MLPH: variants seen among roughly 807,000 people sequenced by gnomAD.
MLPH encodes the protein exophilin-3.
In MLPH, 51 loss-of-function variants were observed where a neutral mutation model predicts 72.1. The observed-to-expected ratio is 0.71, with a 90% CI of 0.56 to 0.89. MLPH has a LOEUF of 0.89. MLPH is among the 40% of genes least tolerant of loss of function. MLPH has a pLI of 0.00. For synonymous variants in MLPH, 301 were observed against 310.1 expected (o/e 0.97, Z 0.31); for missense variants, 743 against 759.9 (o/e 0.98, Z 0.26).
At chr2:237,511,408 T>C (rs1177636473) in intron 4 of MLPH, 1 of 375,756 alleles carries the variant, frequency 2.7e-6, no homozygotes, top group Non-Finnish European at 5.1e-6. Flanking sequence ...CACTGTGCCC[T>C]GTGAAATTGG....
Position 237,553,641 on chromosome 2 carries a change from C to T in MLPH, c.*49C>T. The T allele has an allele frequency of 6.2e-7, 1 of 1,613,576 alleles. No homozygotes were observed. The highest frequency in any genetic ancestry group is 8.5e-7 in the Non-Finnish European group (1 of 1,179,438). ...CAGCCCTGCACTGTTTTCCCTCCAC[C>T]ACAGCCATCCTGTCCCTCATTGGCT... is the stretch of plus-strand genomic sequence containing the variant. On this transcript the variant is annotated 3_prime_UTR_variant, in exon 16 of 16. Transcript: ENST00000264605.
chr2:237,526,540 G>T (rs1418211739), intron 7 of MLPH, among the ~76,000 whole-genome samples: 3 of 152,142 alleles, frequency 2.0e-5, no homozygotes, highest in Admixed American at 2.0e-4. Flanking sequence ...ATGATTAAAT[G>T]AATCTACTTT....
chr2:237,496,798 G>C (rs570595696), intron 2 of MLPH, among the ~76,000 whole-genome samples: 1 of 152,350 alleles, frequency 6.6e-6, no homozygotes, highest in Non-Finnish European at 1.5e-5. Flanking sequence ...AAATGTCAGT[G>C]AGCAGAGAGG....
chr2:237,494,951 A>G (rs748346838), intron 2 of MLPH, among the ~76,000 whole-genome samples: 1 of 152,198 alleles, frequency 6.6e-6, no homozygotes, highest in Non-Finnish European at 1.5e-5. Flanking sequence ...TCTGCAGGTC[A>G]GAGGTCCTAA....
At chr2:237,509,801 T>C (rs979311943) in intron 2 of MLPH, among the ~76,000 whole-genome samples, 1 of 152,168 alleles carries the variant, frequency 6.6e-6, no homozygotes, top group African/African-American at 2.4e-5. Flanking sequence ...TCACCTTTGC[T>C]GCACTCTGGG....
At chr2:237,519,608 C>T (rs1483025998) in intron 5 of MLPH, among the ~76,000 whole-genome samples, 3 of 152,152 alleles carry the variant, frequency 2.0e-5, no homozygotes, top group Admixed American at 6.5e-5. Context: ...GCCCCCTAGG[C>T]GGGGTCCCTG....
At position 237,518,641 on chromosome 2, in the gene MLPH, G is replaced by A. The variant is rs2080106557; in HGVS notation, c.548G>A (p.Gly183Asp). Residue 183 changes from glycine to aspartate, a missense_variant, in exon 5 of 16, where the codon GGC (glycine) becomes GAC (aspartate). Physicochemically the swap from Gly to Asp is moderately conservative, Grantham distance 94 (BLOSUM62 -1). Transcript: ENST00000264605. ...SEAQAQAQPF[G>D]SKKKRLLSVH... is the part of the protein sequence containing the mutation. ...GCCCAGGCCCAGGCCCAGCCCTTTG[G>A]CAGCAAAGTAAGTCATCTCCAGCCA... 1.2e-6 allele frequency: 2 copies of A among 1,612,304 alleles called. No individual in the cohort carries two copies. Among genetic ancestry groups the A allele is most frequent in the Admixed American group, 3.3e-5 (2 of 59,868 alleles).
intron 2 of MLPH, among the ~76,000 whole-genome samples, chr2:237,502,594 T>C (rs2079674591): frequency 6.6e-6 from 1 of 152,206 alleles, no homozygotes; most frequent in Admixed American, 6.5e-5. Context: ...AGACCATGCA[T>C]AGCCGGACTT....
At chr2:237,490,428 T>G (rs1332592448) in intron 1 of MLPH, among the ~76,000 whole-genome samples, 1 of 152,246 alleles carries the variant, frequency 6.6e-6, no homozygotes, top group Non-Finnish European at 1.5e-5. Context: ...CTCTGTGATC[T>G]TTTTATCCAT....
Position 237,534,577 on chromosome 2 carries a change from A to G in MLPH, c.1034A>G (p.Asn345Ser), listed in dbSNP as rs377760034. The G allele has an allele frequency of 9.9e-6, 16 of 1,613,568 alleles. No individual in the cohort carries two copies. The highest frequency in any genetic ancestry group is 1.3e-5 in the Non-Finnish European group (15 of 1,179,746). Residue 345 changes from asparagine (N) to serine (S), a missense_variant, in exon 9 of 16, where the codon AAT becomes AGT. Asn to Ser is a conservative substitution (Grantham distance 46). Coordinates refer to ENST00000264605, the MANE Select transcript of MLPH (RefSeq NM_024101.7). ...CTTCTGCTGCAGATCTTTGAGCTGA[A>G]TAAGCATATTTCAGCTGTGGAATGC... Reference protein sequence around the residue: ...ASSESQIFELNKHISAVECLL... With the variant: ...ASSESQIFELSKHISAVECLL...
At position 237,546,676 on chromosome 2, in the gene MLPH, A is replaced by C; in HGVS notation, c.1610A>C (p.Glu537Ala). ...PEDPNADPSS[E>A]AKAMAVPYLL... ...GACCCAAATGCAGACCCTTCAAGTGAGGCCAAGGTATGTGTTACTCCATTC... is the reference window on the plus strand; with the variant it reads ...GACCCAAATGCAGACCCTTCAAGTGCGGCCAAGGTATGTGTTACTCCATTC... Residue 537 changes from glutamate to alanine, a missense_variant, in exon 13 of 16, where the codon GAG becomes GCG. By Grantham distance (107) the Glu-to-Ala change is moderately radical. Transcript: ENST00000264605. The C allele has an allele frequency of 6.2e-7, 1 of 1,613,958 alleles. No individual in the cohort carries two copies. The highest frequency in any genetic ancestry group is 1.1e-5 in the South Asian group (1 of 91,090).
At position 237,541,693 on chromosome 2, in the gene MLPH, T is replaced by A. The variant is rs770000644; in HGVS notation, c.1446+736T>A. ...TTAAATGCCTAGAATGTAGCCCACA[T>A]TGTGTAGGCCACGGAAGATCTGGTG... On this transcript the variant is annotated intron_variant, in intron 11 of 15. Transcript: ENST00000264605. This position sits in a 1 kb window ranked among gnomAD's most constrained non-coding sequence, Gnocchi z 5.1. Among the ~76,000 whole-genome samples the A allele has an allele frequency of 9.9e-5, 15 of 152,228 alleles. No homozygotes were observed. The highest frequency in any genetic ancestry group is 1.8e-4 in the Non-Finnish European group (12 of 68,036).
At chr2:237,523,410 T>C (rs1441308208) in intron 6 of MLPH, among the ~76,000 whole-genome samples, 1 of 152,214 alleles carries the variant, frequency 6.6e-6, no homozygotes, top group Non-Finnish European at 1.5e-5. Context: ...CCAATGTTTT[T>C]AGTTCCCAAG....
At chr2:237,496,247 G>A (rs13410167) in intron 2 of MLPH, among the ~76,000 whole-genome samples, 14,899 of 152,250 alleles carry the variant, frequency 0.098, 2,418 homozygotes, top group African/African-American at 0.34. Context: ...AATGGAAAAG[G>A]GGGGAGAACC....
chr2:237,518,170 G>A lies in MLPH; in HGVS notation c.446-369G>A, dbSNP rs1034991615. On this transcript the variant is annotated intron_variant, in intron 4 of 15. Coordinates refer to ENST00000264605, the MANE Select transcript of MLPH (RefSeq NM_024101.7). Reference sequence around the variant, plus strand: ...TGGGTAGGTGAATACATGGATGGATGAGCCACTGATTGAGTGGGTGGATGG... The same window carrying A: ...TGGGTAGGTGAATACATGGATGGATAAGCCACTGATTGAGTGGGTGGATGG... The A allele has an allele frequency of 2.7e-5, 10 of 372,116 alleles. No individual in the cohort carries two copies. The East Asian group carries it at 4.5e-4, about 17-fold the overall frequency. The allele number at this position is 372,116 out of a possible 1,614,324, so 23.1% of individuals were successfully genotyped here.
chr2:237,519,737 C>T (rs992023403), intron 5 of MLPH, among the ~76,000 whole-genome samples, 173 bp from the exon 6 acceptor site: 1 of 152,148 alleles, frequency 6.6e-6, no homozygotes, highest in Non-Finnish European at 1.5e-5. Context: ...CCAACCAGCT[C>T]CCCCTCTGGG....
intron 10 of MLPH, 130 bp from the exon 11 acceptor site, chr2:237,540,672 G>C (rs774126759): frequency 6.7e-7 from 1 of 1,496,976 alleles, no homozygotes; most frequent in Admixed American, 2.0e-5. Flanking sequence ...GGTCTGCAGC[G>C]GGTGGCCGGC....
Position 237,540,453 on chromosome 2 carries a change from G to A in MLPH, c.1210G>A (p.Glu404Lys), listed in dbSNP as rs769852497. 20 of 1,612,714 alleles carry A rather than the reference G, an allele frequency of 1.2e-5. No homozygotes were observed. The highest frequency in any genetic ancestry group is 2.2e-5 in the East Asian group (1 of 44,876). ...SNVSDQETSS[E>K]EEEAKDEKAE... ...CGTCAGTGACCAGGAGACCTCGTCC[G>A]AGGAGGAGGAAGCCAAGGACGAAAA... Residue 404 changes from glutamate (E) to lysine (K), a missense_variant, in exon 10 of 16, where the codon GAG becomes AAG. By Grantham distance (56) the Glu-to-Lys change is moderately conservative. Coordinates refer to ENST00000264605, the MANE Select transcript of MLPH (RefSeq NM_024101.7).
intron 9 of MLPH, among the ~76,000 whole-genome samples, chr2:237,538,488 G>C (rs1275283852): frequency 6.6e-6 from 1 of 152,198 alleles, no homozygotes; most frequent in Non-Finnish European, 1.5e-5. Context: ...AAAATCTCTC[G>C]GGTAACCAGG....
Sources: gnomAD v4.1 joint callset for allele counts (sites outside exome capture counted in the v4.1 genomes callset) on GRCh38, gnomAD v4.1.1 for gene constraint, Gnocchi (gnomAD v3.1) non-coding constraint, MANE v1.5 for transcripts, NCBI Gene and HGNC (gene_info 2026-07-23, HGNC 2026-07-21) for gene names.